The following PLEKHG4B variants were observed in gnomAD, a reference collection of about 807,000 sequenced individuals.
PLEKHG4B encodes pleckstrin homology and RhoGEF domain containing G4B, also known as pleckstrin homology domain-containing family G member 4B.
PLEKHG4B carries 111 observed loss-of-function variants against 121.3 expected under a neutral mutation model. That is an observed-to-expected ratio of 0.92 (90% CI 0.78 to 1.07). PLEKHG4B has a LOEUF of 1.07. Among genes scored for constraint, PLEKHG4B ranks in the 50% least tolerant of loss-of-function variants. The probability of loss-of-function intolerance (pLI) is 0.00; values close to 1 mark genes in which losing one functional copy is unlikely to be tolerated. For missense variants in PLEKHG4B, 1,831 were observed against 1,757.8 expected (o/e 1.04, Z -0.74); for synonymous variants, 738 against 725.0 (o/e 1.02, Z -0.29).
intron 1 of PLEKHG4B, among the ~76,000 whole-genome samples, chr5:111,469 C>A (rs1410042740): frequency 6.6e-6 from 1 of 152,206 alleles, no homozygotes; most frequent in East Asian, 1.9e-4. Context: ...TTCCTTATGT[C>A]GGGCGGTTGA....
At chr5:98,879 G>A (rs1461710898) in intron 1 of PLEKHG4B, among the ~76,000 whole-genome samples, 9 of 114,742 alleles carry the variant, frequency 7.8e-5, no homozygotes, top group Admixed American at 6.0e-4. Context: ...TTTGGGGACC[G>A]GGTGTGGTGT....
At chr5:151,656 C>G in intron 7 of PLEKHG4B, 57 bp downstream of exon 7, 1 of 1,156,142 alleles carries the variant, frequency 8.6e-7, no homozygotes, top group Non-Finnish European at 1.3e-6. Flanking sequence ...ATTAAGGCAC[C>G]TAGATGAGAT....
intron 13 of PLEKHG4B, chr5:168,975 A>G (rs918799057): frequency 4.0e-6 from 1 of 249,514 alleles, no homozygotes; most frequent in African/African-American, 2.3e-5. Flanking sequence ...TCCCAGGTTC[A>G]AGTGATTCTC....
chr5:126,974 G>A (rs925041700), intron 2 of PLEKHG4B, among the ~76,000 whole-genome samples: 8 of 152,136 alleles, frequency 5.3e-5, no homozygotes, highest in Admixed American at 2.0e-4. Context: ...TGTGCGGGTC[G>A]GGGAAGCTGG....
chr5:164,838 ACTAAT>A lies in PLEKHG4B; in HGVS notation c.3476+1291_3476+1295del, dbSNP rs1306521259. ...AATGCTGTGACGGAGCGGAGCTCAC[ACTAAT>A]GCTGTGACAGGGGGCGGGGCTCACA... On this transcript the variant is annotated intron_variant, in intron 13 of 19. Transcript: ENST00000637938. Among the ~76,000 whole-genome samples, 4 of 129,382 alleles carry A rather than the reference ACTAAT, an allele frequency of 3.1e-5. 1 individual carries two copies. The highest frequency in any genetic ancestry group is 1.2e-4 in the African/African-American group (4 of 32,358). The allele number at this position is 129,382 out of a possible 152,430, so 84.9% of individuals were successfully genotyped here.
intron 5 of PLEKHG4B, among the ~76,000 whole-genome samples, chr5:144,501 C>T (rs1735337645): frequency 6.6e-6 from 1 of 152,192 alleles, no homozygotes; most frequent in African/African-American, 2.4e-5. Flanking sequence ...GGCAAGAAGG[C>T]CCTGAAGTCC....
At position 144,931 on chromosome 5, in the gene PLEKHG4B, G is replaced by T. The variant is rs762376224; in HGVS notation, c.1905+11G>T. 2.5e-6 allele frequency: 4 copies of T among 1,611,844 alleles called. No homozygotes were observed. The Admixed American group carries it at 5.0e-5, about 20-fold the overall frequency. ...CTCTCAGGATTGCAGGTACGGCAAG[G>T]TTGTCATATCCCTTGGGTGTGCAGA... On this transcript the variant is annotated intron_variant, in intron 6 of 19. Coordinates refer to ENST00000637938, the MANE Select transcript of PLEKHG4B (RefSeq NM_052909.5).
chr5:93,200 C>T (rs774680686), intron 1 of PLEKHG4B, among the ~76,000 whole-genome samples: 5 of 152,056 alleles, frequency 3.3e-5, no homozygotes, highest in Admixed American at 6.5e-5. Flanking sequence ...TTGACTGAGC[C>T]TTAGGCAGCT....
At chr5:135,174 C>T (rs1296709791) in intron 2 of PLEKHG4B, among the ~76,000 whole-genome samples, 4 of 111,402 alleles carry the variant, frequency 3.6e-5, no homozygotes, top group East Asian at 2.4e-4. Flanking sequence ...GGTGACAGAA[C>T]GAGACTCCAG....
intron 13 of PLEKHG4B, among the ~76,000 whole-genome samples, chr5:167,386 A>G (rs1736386218): frequency 6.6e-6 from 1 of 152,186 alleles, no homozygotes; most frequent in Admixed American, 6.5e-5. Flanking sequence ...GCTTCCCATC[A>G]TTAGCTGCTT....
At chr5:163,573 C>T (rs372232155) in intron 13 of PLEKHG4B, 25 bp downstream of exon 13, 290 of 1,521,038 alleles carry the variant, frequency 1.9e-4, no homozygotes, top group Non-Finnish European at 2.3e-4. Flanking sequence ...CCCCTCCTCT[C>T]GTCCTAGCAG....
Position 143,043 on chromosome 5 carries a change from C to A in PLEKHG4B, c.1478-4C>A. 1 of 1,613,010 alleles carries A rather than the reference C, an allele frequency of 6.2e-7. No individual in the cohort carries two copies. The highest frequency in any genetic ancestry group is 1.1e-5 in the South Asian group (1 of 91,064). ...CTTTGACACGGCCTCTTTCCTTTGT[C>A]CAGACGTTCTTGCATCCTCAGCCTG... On this transcript the variant is annotated splice_polypyrimidine_tract_variant and splice_region_variant and intron_variant, in intron 3 of 19. Coordinates refer to ENST00000637938, the MANE Select transcript of PLEKHG4B (RefSeq NM_052909.5).
chr5:148,272 G>A (rs954975388), intron 6 of PLEKHG4B, among the ~76,000 whole-genome samples: 2 of 147,664 alleles, frequency 1.4e-5, no homozygotes, highest in Non-Finnish European at 3.0e-5. Flanking sequence ...ATCCAAACTG[G>A]AAAGGAAGAA....
At chr5:180,964 C>T (rs992632864) in intron 18 of PLEKHG4B, among the ~76,000 whole-genome samples, 1 of 152,252 alleles carries the variant, frequency 6.6e-6, no homozygotes, top group African/African-American at 2.4e-5. Context: ...TAATATTCTT[C>T]AGCATAGGCA....
rs1735290022 is a variant in PLEKHG4B at position 143,256 on chromosome 5, G to C, written c.1687G>C (p.Gly563Arg). 2 of 1,609,834 alleles carry C rather than the reference G, an allele frequency of 1.2e-6. No homozygotes were observed. ...LLQSGVVTLP[G>R]TRDRHGRAVV... The stretch of plus-strand genomic sequence containing the variant: ...GCAGTCCGGGGTCGTCACCCTCCCA[G>C]GTGAGAGCACATGCCAGGCTCTCCT... The change falls in exon 4 of 20, where the codon GGG becomes CGG. Residue 563 changes from glycine (G) to arginine (R), a missense_variant and splice_region_variant. Physicochemically the swap from Gly to Arg is moderately radical, Grantham distance 125. Transcript: ENST00000637938.
At chr5:165,145 G>A (rs142778330) in intron 13 of PLEKHG4B, among the ~76,000 whole-genome samples, 530 of 33,240 alleles carry the variant, frequency 0.016, 50 homozygotes, top group Non-Finnish European at 0.03. Context: ...GTGACGGGGC[G>A]GAGCTCACAC....
intron 2 of PLEKHG4B, among the ~76,000 whole-genome samples, chr5:129,540 G>C (rs1734715215): frequency 6.6e-6 from 1 of 152,152 alleles, no homozygotes; most frequent in Admixed American, 6.5e-5. Context: ...ACTGTAACTA[G>C]ACCAACTCAG....
In PLEKHG4B at chr5:96,675, G is replaced by A. The variant is rs143153644; in HGVS notation, c.45+4399G>A. Among the ~76,000 whole-genome samples, 294 of 152,274 alleles carry A rather than the reference G, an allele frequency of 1.9e-3. 1 individual carries two copies. The highest frequency in any genetic ancestry group is 6.7e-3 in the African/African-American group (278 of 41,546). On this transcript the variant is annotated intron_variant, in intron 1 of 19. Coordinates refer to ENST00000637938, the MANE Select transcript of PLEKHG4B (RefSeq NM_052909.5). ...ATAGGAGTGAATATTCATGTGTCTGGAGGCTGGAGCATTCCATGGCAGCAA... is the reference window on the plus strand; with the variant it reads ...ATAGGAGTGAATATTCATGTGTCTGAAGGCTGGAGCATTCCATGGCAGCAA...
intron 2 of PLEKHG4B, among the ~76,000 whole-genome samples, chr5:121,725 A>C (rs566654609): frequency 7.9e-5 from 12 of 152,282 alleles, no homozygotes; most frequent in South Asian, 6.2e-4. Context: ...GAAAGAAAAA[A>C]ATTCTATATC....
Sources: gnomAD v4.1 joint callset for allele counts (sites outside exome capture counted in the v4.1 genomes callset) on GRCh38, gnomAD v4.1.1 for gene constraint, MANE v1.5 for transcripts, NCBI Gene and HGNC (gene_info 2026-07-23, HGNC 2026-07-21) for gene names.